The following MMP17 variants were observed in gnomAD, a reference collection of about 807,000 sequenced individuals.
The protein encoded by MMP17 is matrix metalloproteinase-17.
In MMP17, 54 loss-of-function variants were observed where a neutral mutation model predicts 49.1. That is an observed-to-expected ratio of 1.10 (90% CI 0.88 to 1.38). The LOEUF is 1.38. Ranked by LOEUF, MMP17 falls within the 40% of genes most tolerant of loss-of-function variation. The pLI is 0.00. For missense variants in MMP17, 837 were observed against 853.7 expected (o/e 0.98, Z 0.24); for synonymous variants, 397 against 383.1 (o/e 1.04, Z -0.42).
At chr12:131,837,362 C>T (rs1357147758) in intron 1 of MMP17, among the ~76,000 whole-genome samples, 1 of 152,216 alleles carries the variant, frequency 6.6e-6, no homozygotes, top group Non-Finnish European at 1.5e-5. Context: ...TGTGCTCAAA[C>T]GATCCTCCCG....
chr12:131,841,947 C>A (rs1170027480), intron 5 of MMP17, 147 bp downstream of exon 5: 2 of 905,980 alleles, frequency 2.2e-6, no homozygotes, highest in African/African-American at 1.7e-5. Flanking sequence ...ACGCTCTGGC[C>A]TGTCCACAGA....
Position 131,841,702 on chromosome 12 carries a change from C to T in MMP17, c.785C>T (p.Ala262Val), listed in dbSNP as rs1887418178. Residue 262 changes from alanine (A) to valine (V), a missense_variant, in exon 5 of 10, where the codon GCA becomes GTA. By Grantham distance (64) the Ala-to-Val change is moderately conservative. Coordinates refer to ENST00000360564, the MANE Select transcript of MMP17 (RefSeq NM_016155.7). ...ATTGGGTTAAGCCATGTGGCCGCTGCACACTCCATCATGCGGCCGTACTAC... is the reference window on the plus strand; with the variant it reads ...ATTGGGTTAAGCCATGTGGCCGCTGTACACTCCATCATGCGGCCGTACTAC... ...HAIGLSHVAA[A>V]HSIMRPYYQG... 1.9e-6 allele frequency: 3 copies of T among 1,614,000 alleles called. No homozygotes were observed. The highest frequency in any genetic ancestry group is 1.7e-6 in the Non-Finnish European group (2 of 1,179,980).
chr12:131,850,146 C>T, intron 9 of MMP17, 87 bp downstream of exon 9: 5 of 1,460,390 alleles, frequency 3.4e-6, no homozygotes, highest in Non-Finnish European at 4.5e-6. Context: ...AAGAGGTTCC[C>T]TGAAAGGAGG....
At chr12:131,837,900 CG>C (rs1168113340) in intron 1 of MMP17, among the ~76,000 whole-genome samples, 1 of 152,136 alleles carries the variant, frequency 6.6e-6, no homozygotes, top group Non-Finnish European at 1.5e-5. Flanking sequence ...TTAGTAGAGA[CG>C]GGGTTTCACC....
chr12:131,844,111 C>G, intron 6 of MMP17, 30 bp downstream of exon 6: 1 of 1,523,568 alleles, frequency 6.6e-7, no homozygotes. Context: ...TCACCACCCG[C>G]TGGGGTCTGT....
chr12:131,837,074 G>A (rs1166737848), intron 1 of MMP17, among the ~76,000 whole-genome samples: 1 of 152,180 alleles, frequency 6.6e-6, no homozygotes, highest in Non-Finnish European at 1.5e-5. Flanking sequence ...ACTCAGCTCC[G>A]GTGTGGGTAG....
intron 1 of MMP17, among the ~76,000 whole-genome samples, chr12:131,834,358 G>A (rs939309899): frequency 1.3e-5 from 2 of 151,114 alleles, no homozygotes; most frequent in Non-Finnish European, 3.0e-5. Context: ...TGCAGCACCC[G>A]CCCGCCACAG....
intron 8 of MMP17, among the ~76,000 whole-genome samples, chr12:131,845,745 G>A (rs767241226): frequency 6.6e-6 from 1 of 152,194 alleles, no homozygotes; most frequent in Non-Finnish European, 1.5e-5. Flanking sequence ...AGTGCCGTTC[G>A]GTGTGGTCAG....
In MMP17 at chr12:131,838,599, G is replaced by A; in HGVS notation, c.293-13G>A. Reference sequence around the variant, plus strand: ...AGCTGGGCTAGGCTCTGAGCTCCATGCTTTCCCTGCAGACGAGGCCACCCT... The same window carrying A: ...AGCTGGGCTAGGCTCTGAGCTCCATACTTTCCCTGCAGACGAGGCCACCCT... On this transcript the variant is annotated splice_polypyrimidine_tract_variant and intron_variant, in intron 2 of 9. Transcript: ENST00000360564. 6.2e-7 allele frequency: 1 copy of A among 1,606,944 alleles called. No individual in the cohort carries two copies. Among genetic ancestry groups the A allele is most frequent in the South Asian group, 1.1e-5 (1 of 90,494 alleles).
intron 2 of MMP17, 73 bp downstream of exon 2, chr12:131,838,400 G>C: frequency 6.4e-7 from 1 of 1,566,190 alleles, no homozygotes; most frequent in South Asian, 1.2e-5. Flanking sequence ...TGCCCCCTCT[G>C]ATCAGGCACA....
intron 3 of MMP17, 109 bp downstream of exon 3, chr12:131,838,850 G>A (rs969292529): frequency 5.9e-6 from 8 of 1,367,428 alleles, no homozygotes; most frequent in African/African-American, 1.5e-5. Flanking sequence ...GGTGGGGAAC[G>A]GGGTCTCCGT....
chr12:131,833,381 G>A (rs115006933), intron 1 of MMP17, among the ~76,000 whole-genome samples: 191 of 152,364 alleles, frequency 1.3e-3, no homozygotes, highest in African/African-American at 4.2e-3. Context: ...TCACGATCCC[G>A]TCTTCCCCTG....
chr12:131,848,607 C>A (rs577046367), intron 8 of MMP17, among the ~76,000 whole-genome samples: 1 of 151,976 alleles, frequency 6.6e-6, no homozygotes, highest in Non-Finnish European at 1.5e-5. Context: ...CCCCTGGGCA[C>A]CCCCACTTCG....
chr12:131,849,603 G>A (rs144232146), intron 8 of MMP17, among the ~76,000 whole-genome samples, 199 bp from the exon 9 acceptor site: 102 of 152,286 alleles, frequency 6.7e-4, no homozygotes, highest in African/African-American at 2.4e-3. Flanking sequence ...GGGATGGCCC[G>A]GACTGGGCAC....
At chr12:131,836,796 G>A (rs1454691928) in intron 1 of MMP17, among the ~76,000 whole-genome samples, 2 of 152,184 alleles carry the variant, frequency 1.3e-5, no homozygotes, top group African/African-American at 4.8e-5. Flanking sequence ...AGTATCCACA[G>A]GGCAGAGCAG....
rs1227248394 is a variant in MMP17 at position 131,846,418 on chromosome 12, C to G, written c.1204+969C>G. ...CTGAGACAAAGTCTCACTCTGTTGC[C>G]CAGGCTGGAATGCAATGGTGTGATC... On this transcript the variant is annotated intron_variant, in intron 8 of 9. Coordinates refer to ENST00000360564, the MANE Select transcript of MMP17 (RefSeq NM_016155.7). The surrounding 1 kb of genome is among the most constrained non-coding windows in gnomAD (Gnocchi z 4.6). Among the ~76,000 whole-genome samples the G allele has an allele frequency of 6.6e-6, 1 of 152,124 alleles. No individual in the cohort carries two copies. The highest frequency in any genetic ancestry group is 2.1e-4 in the South Asian group (1 of 4,824).
At chr12:131,830,788 T>C (rs563029377) in intron 1 of MMP17, among the ~76,000 whole-genome samples, 148 of 152,274 alleles carry the variant, frequency 9.7e-4, no homozygotes, top group Non-Finnish European at 1.9e-3. Context: ...CGTATGCACG[T>C]GAACAAGGCC....
At chr12:131,839,400 C>T (rs1346276460) in intron 3 of MMP17, among the ~76,000 whole-genome samples, 2 of 152,018 alleles carry the variant, frequency 1.3e-5, no homozygotes, top group Non-Finnish European at 2.9e-5. Context: ...GTGGCCCTGA[C>T]ATCCTGGGCT....
At chr12:131,850,183 G>A (rs1593240588) in intron 9 of MMP17, 124 bp downstream of exon 9, 1 of 1,337,332 alleles carries the variant, frequency 7.5e-7, no homozygotes, top group African/African-American at 1.5e-5. Flanking sequence ...TGGGCTCTGA[G>A]GGTCCCAGCC....
Sources: gnomAD v4.1 joint callset for allele counts (sites outside exome capture counted in the v4.1 genomes callset) on GRCh38, gnomAD v4.1.1 for gene constraint, Gnocchi (gnomAD v3.1) non-coding constraint, MANE v1.5 for transcripts, NCBI Gene and HGNC (gene_info 2026-07-23, HGNC 2026-07-21) for gene names.